The following PLXNB2 variants were observed in gnomAD, a reference collection of about 807,000 sequenced individuals.
PLXNB2 encodes plexin-B2.
A neutral mutation model predicts 202.6 loss-of-function variants in PLXNB2; 85 were observed. The observed-to-expected ratio is 0.42, with a 90% CI of 0.35 to 0.50. The LOEUF is 0.50. Among genes scored for constraint, PLXNB2 ranks in the 20% least tolerant of loss-of-function variants. The probability of loss-of-function intolerance (pLI) is 0.02; values close to 1 mark genes in which losing one functional copy is unlikely to be tolerated. For missense variants in PLXNB2, 2,063 were observed against 2,586.2 expected (o/e 0.80, Z 4.39); for synonymous variants, 1,239 against 1,137.6 (o/e 1.09, Z -1.79).
In PLXNB2 at chr22:50,284,514, C is replaced by T; in HGVS notation, c.2181+59G>A. The T allele has an allele frequency of 7.5e-7, 1 of 1,330,116 alleles. No homozygotes were observed. Among genetic ancestry groups the T allele is most frequent in the East Asian group, 2.5e-5 (1 of 40,416 alleles). 82.4% of individuals were successfully genotyped at this position (1,330,116 alleles called of 1,614,324 possible). A position where few individuals can be genotyped will look rare whatever the true frequency, so the allele number is the denominator to read the frequency against. On this transcript the variant is annotated intron_variant, in intron 12 of 36. Coordinates refer to ENST00000359337, the MANE Select transcript of PLXNB2 (RefSeq NM_012401.4). This position sits in a 1 kb window ranked among gnomAD's most constrained non-coding sequence, Gnocchi z 8.0. ...CCCCTCACAGTCCTGAAGGTGACCC[C>T]CCACCCCACCCGGGGCCCTGGGGTC...
rs1478577723 is a variant in PLXNB2, at chr22:50,283,195, G to A, written c.2680-9C>T. The A allele has an allele frequency of 1.9e-6, 3 of 1,598,544 alleles. No individual in the cohort carries two copies. Among genetic ancestry groups the A allele is most frequent in the Admixed American group, 1.7e-5 (1 of 57,916 alleles). ...CTGAGAGGCTTGGGCTGCTGAAAGA[G>A]CCGCAGGGGCACTCGGGTGAGGACG... On this transcript the variant is annotated splice_polypyrimidine_tract_variant and intron_variant, in intron 16 of 36. Coordinates refer to ENST00000359337, the MANE Select transcript of PLXNB2 (RefSeq NM_012401.4).
chr22:50,288,542 G>A lies in PLXNB2; in HGVS notation c.1380+201C>T, dbSNP rs538601495. Among the ~76,000 whole-genome samples the A allele has an allele frequency of 4.6e-4, 70 of 152,266 alleles. No individual in the cohort carries two copies. The highest frequency in any genetic ancestry group is 1.4e-3 in the African/African-American group (57 of 41,548). On this transcript the variant is annotated intron_variant, in intron 5 of 36. Transcript: ENST00000359337. The surrounding 1 kb of genome is among the most constrained non-coding windows in gnomAD (Gnocchi z 5.0). ...CAAAGGACAAACAGAAGGAGCGGCA[G>A]AGACGGGGCAGTGCTAGAGAGACAC...
At chr22:50,280,714 G>GGGCC in intron 24 of PLXNB2, 30 bp downstream of exon 24, 17 of 1,528,790 alleles carry the variant, frequency 1.1e-5, no homozygotes, top group Non-Finnish European at 1.5e-5. Context: ...CCACCTGTGT[G>GGGCC]CCCTCCCGCC....
Position 50,288,629 on chromosome 22 carries a change from C to G in PLXNB2, c.1380+114G>C. ...CCTCATCCAGACCAAGGAGAAGGGCCCAGCTCTGCAGCACCCCATCCTCCT... is the reference window on the plus strand; with the variant it reads ...CCTCATCCAGACCAAGGAGAAGGGCGCAGCTCTGCAGCACCCCATCCTCCT... On this transcript the variant is annotated intron_variant, in intron 5 of 36. Transcript: ENST00000359337. The surrounding 1 kb of genome is among the most constrained non-coding windows in gnomAD (Gnocchi z 5.0). The G allele has an allele frequency of 1.4e-6, 2 of 1,431,648 alleles. No individual in the cohort carries two copies. The highest frequency in any genetic ancestry group is 2.7e-5 in the South Asian group (2 of 74,554). 88.7% of individuals were successfully genotyped at this position (1,431,648 alleles called of 1,614,324 possible).
At chr22:50,276,259 T>C (rs2065561639) in intron 35 of PLXNB2, among the ~76,000 whole-genome samples, 3 of 151,650 alleles carry the variant, frequency 2.0e-5, no homozygotes. Flanking sequence ...GGGGGCGCTG[T>C]GGGCACGGCC....
Position 50,281,692 on chromosome 22 carries a change from C to T in PLXNB2, c.3396G>A (p.Val1132=). Residue 1132 remains valine (V), a synonymous_variant, in exon 21 of 37, where the codon GTG becomes GTA. Coordinates refer to ENST00000359337, the MANE Select transcript of PLXNB2 (RefSeq NM_012401.4). ...TCTTCATGGTGCAGCGCTCGGCACC[C>T]ACGAAGGCCTCGGCCTCCTGCAGCG... ...AMTLQEAEAF[V]GAERCTMKTL... is the part of the protein sequence containing the mutation. 2 of 1,569,212 alleles carry T rather than the reference C, an allele frequency of 1.3e-6. No individual in the cohort carries two copies. The highest frequency in any genetic ancestry group is 2.3e-5 in the East Asian group (1 of 44,322).
At chr22:50,304,690 G>C (rs971073834) in intron 1 of PLXNB2, among the ~76,000 whole-genome samples, 2 of 150,542 alleles carry the variant, frequency 1.3e-5, no homozygotes, top group African/African-American at 2.5e-5. Context: ...CCTCCCCATC[G>C]TGTAATTAGT....
chr22:50,288,144 C>G lies in PLXNB2; in HGVS notation c.1381-107G>C. On this transcript the variant is annotated intron_variant, in intron 5 of 36. Transcript: ENST00000359337. The surrounding 1 kb of genome is among the most constrained non-coding windows in gnomAD (Gnocchi z 5.0). ...GCTTGACCCAGCTCTGTCCCGGGGC[C>G]TCGGGAGCCTCAGACACCTCAGGCT... 2.5e-6 allele frequency: 2 copies of G among 804,368 alleles called. No homozygotes were observed. Among genetic ancestry groups the G allele is most frequent in the Non-Finnish European group, 4.0e-6 (2 of 500,266 alleles). 49.8% of individuals were successfully genotyped at this position (804,368 alleles called of 1,614,324 possible). A position where few individuals can be genotyped will look rare whatever the true frequency, so the allele number is the denominator to read the frequency against.
intron 1 of PLXNB2, 111 bp from the exon 2 acceptor site, chr22:50,294,889 C>A: frequency 4.7e-6 from 2 of 421,662 alleles, no homozygotes; most frequent in Non-Finnish European, 6.4e-6. Flanking sequence ...CCCACAGGAC[C>A]CCATCTGGCC....
chr22:50,294,689 C>A (rs1266991360), intron 2 of PLXNB2, 30 bp downstream of exon 2: 57 of 963,618 alleles, frequency 5.9e-5, no homozygotes, highest in Non-Finnish European at 6.9e-5. Flanking sequence ...GCCCCAGCCA[C>A]CCACTGCCTT....
chr22:50,306,421 G>A (rs951823956), intron 1 of PLXNB2, among the ~76,000 whole-genome samples: 13 of 152,192 alleles, frequency 8.5e-5, no homozygotes, highest in Admixed American at 2.6e-4. Flanking sequence ...GGAAAGGGAG[G>A]GCTCCTCCCA....
In PLXNB2 at chr22:50,278,486, C is replaced by A. The variant is rs2065767807; in HGVS notation, c.4681G>T (p.Val1561Leu). 1 of 1,562,482 alleles carries A rather than the reference C, an allele frequency of 6.4e-7. No homozygotes were observed. The highest frequency in any genetic ancestry group is 8.7e-7 in the Non-Finnish European group (1 of 1,153,742). ...TCCTCCGGCTGCTGGGAGACCCCCA[C>A]CTTGGACAGGATGAGGGTGGCTCCA... is the stretch of plus-strand genomic sequence containing the variant. ...RDGATLILSK[V>L]GVSQQPEDSQ... The change falls in exon 30 of 37, where the codon GTG (valine) becomes TTG (leucine). Residue 1561 changes from valine (V) to leucine (L), a missense_variant. By Grantham distance (32) the Val-to-Leu change is conservative (BLOSUM62 1). Around this residue, in one of 2 missense-constraint regions of PLXNB2, gnomAD observed 760 missense variants for 1,109.4 expected, o/e 0.69. Coordinates refer to ENST00000359337, the MANE Select transcript of PLXNB2 (RefSeq NM_012401.4).
chr22:50,296,920 G>A (rs1360007260), intron 1 of PLXNB2, among the ~76,000 whole-genome samples: 1 of 152,206 alleles, frequency 6.6e-6, no homozygotes, highest in Non-Finnish European at 1.5e-5. Context: ...AGCTGTGCAT[G>A]GACTGTGCTA....
Position 50,280,059 on chromosome 22 carries a change from C to T in PLXNB2, c.4188G>A (p.Val1396=). 3 of 1,609,052 alleles carry T rather than the reference C, an allele frequency of 1.9e-6. No individual in the cohort carries two copies. The highest frequency in any genetic ancestry group is 2.5e-6 in the Non-Finnish European group (3 of 1,177,722). Residue 1396 remains valine (V), a synonymous_variant, in exon 26 of 37, where the codon GTG becomes GTA. Coordinates refer to ENST00000359337, the MANE Select transcript of PLXNB2 (RefSeq NM_012401.4). ...PKLMLRRSET[V]VERMLSNWMS... is the part of the protein sequence containing the mutation. Reference sequence around the variant, plus strand: ...TCCAGTTGGACAGCATCCTCTCCACCACAGTCTCAGACCTGGGGGTGCAGG... The same window carrying T: ...TCCAGTTGGACAGCATCCTCTCCACTACAGTCTCAGACCTGGGGGTGCAGG...
Position 50,281,576 on chromosome 22 carries a change from G to A in PLXNB2, c.3512C>T (p.Pro1171Leu), listed in dbSNP as rs1282658376. ...RQKRDTTHNL[P>L]EFIVKFGSRE... ...TCCCCGCTCACGCACAATGAACTCG[G>A]GCAGGTTGTGTGTGGTGTCTCGTTT... The change falls in exon 21 of 37, where the codon CCC (proline) becomes CTC (leucine). Residue 1171 changes from proline (P) to leucine (L), a missense_variant. Around this residue, in one of 2 missense-constraint regions of PLXNB2, gnomAD observed 760 missense variants for 1,109.4 expected, o/e 0.69. Transcript: ENST00000359337. 6.2e-7 allele frequency: 1 copy of A among 1,611,008 alleles called. No individual in the cohort carries two copies. The highest frequency in any genetic ancestry group is 1.3e-5 in the African/African-American group (1 of 75,046).
intron 31 of PLXNB2, 46 bp from the exon 32 acceptor site, chr22:50,278,059 G>C (rs2065733666): frequency 1.3e-6 from 2 of 1,593,288 alleles, no homozygotes; most frequent in Admixed American, 1.7e-5. Flanking sequence ...CGCGGCTCCT[G>C]GGGGGGAGGG....
rs2067371324 is a variant in PLXNB2, at chr22:50,297,602, G to A, written c.-73-2824C>T. Among the ~76,000 whole-genome samples the A allele has an allele frequency of 6.6e-6, 1 of 152,054 alleles. No individual in the cohort carries two copies. Among genetic ancestry groups the A allele is most frequent in the Admixed American group, 6.6e-5 (1 of 15,266 alleles). Reference sequence around the variant, plus strand: ...CCATCCATCTTGCCCTCAACACTGAGCCAGGCTCCATCTCCTGCTCACAAG... The same window carrying A: ...CCATCCATCTTGCCCTCAACACTGAACCAGGCTCCATCTCCTGCTCACAAG... On this transcript the variant is annotated intron_variant, in intron 1 of 36. Coordinates refer to ENST00000359337, the MANE Select transcript of PLXNB2 (RefSeq NM_012401.4). The surrounding 1 kb of genome is among the most constrained non-coding windows in gnomAD (Gnocchi z 5.3).
Position 50,289,625 on chromosome 22 carries a change from G to A in PLXNB2, c.960C>T (p.His320=), listed in dbSNP as rs369685421. The change falls in exon 3 of 37, where the codon CAC becomes CAT. Residue 320 remains histidine, a synonymous_variant. Coordinates refer to ENST00000359337, the MANE Select transcript of PLXNB2 (RefSeq NM_012401.4). This position sits in a 1 kb window ranked among gnomAD's most constrained non-coding sequence, Gnocchi z 8.0. ...GLCLFPLDKV[H]AKMEANRNAC... Reference sequence around the variant, plus strand: ...CGTTGCGGTTGGCCTCCATCTTGGCGTGCACCTTGTCCAGCGGGAACAGGC... The same window carrying A: ...CGTTGCGGTTGGCCTCCATCTTGGCATGCACCTTGTCCAGCGGGAACAGGC... 1.2e-4 allele frequency: 186 copies of A among 1,609,912 alleles called. No individual in the cohort carries two copies. The highest frequency in any genetic ancestry group is 1.5e-4 in the Non-Finnish European group (179 of 1,179,832).
intron 25 of PLXNB2, 64 bp downstream of exon 25, chr22:50,280,425 C>T: frequency 6.8e-7 from 1 of 1,469,092 alleles, no homozygotes; most frequent in African/African-American, 1.4e-5. Flanking sequence ...CCACCCGCCA[C>T]CAGCCCCAGA....
Sources: gnomAD v4.1 joint callset for allele counts (sites outside exome capture counted in the v4.1 genomes callset) on GRCh38, gnomAD v4.1.1 for gene constraint, gnomAD v4.1.1 regional missense constraint, Gnocchi (gnomAD v3.1) non-coding constraint, MANE v1.5 for transcripts, NCBI Gene and HGNC (gene_info 2026-07-23, HGNC 2026-07-21) for gene names.